The following PTPRD variants were observed in gnomAD, a reference collection of about 807,000 sequenced individuals.
The protein encoded by PTPRD is protein tyrosine phosphatase receptor type D, also known as receptor-type tyrosine-protein phosphatase delta.
In PTPRD, 34 loss-of-function variants were observed where a neutral mutation model predicts 214.5. The observed-to-expected ratio is 0.16, with a 90% confidence interval of 0.12 to 0.21. PTPRD has a LOEUF of 0.21. Ranked by LOEUF, PTPRD falls within the 10% of genes least tolerant of loss-of-function variation. PTPRD has a pLI of 1.00. For missense variants in PTPRD, 2,545 were observed against 2,398.7 expected (o/e 1.06, Z -1.27); for synonymous variants, 1,128 against 845.7 (o/e 1.33, Z -5.79).
chr9:8,315,950 A>AGTT lies in PTPRD; in HGVS notation c.*1923_*1924insAAC, dbSNP rs750916622. ...TTGGGGGTAAGATACATATATATAT[A>AGTT]TAGTTTATTTCCCCTTTTAGAAAAA... is the stretch of plus-strand genomic sequence containing the variant. On this transcript the variant is annotated 3_prime_UTR_variant, in exon 46 of 46. Transcript: ENST00000381196. 96 of 226,530 alleles carry AGTT rather than the reference A, an allele frequency of 4.2e-4. No individual in the cohort carries two copies. In the East Asian group the frequency reaches 5.7e-3, roughly 13 times the overall value. 14.0% of individuals were successfully genotyped at this position (226,530 alleles called of 1,614,324 possible).
chr9:9,512,764 C>T (rs62533243), intron 8 of PTPRD, among the ~76,000 whole-genome samples: 2,948 of 151,650 alleles, frequency 0.019, 46 homozygotes, highest in South Asian at 0.044. Context: ...ATTTGACTGG[C>T]TCCATAGTAC....
Position 10,477,029 on chromosome 9 carries a change from G to A in PTPRD, c.-600+135369C>T, listed in dbSNP as rs112610057. Among the ~76,000 whole-genome samples the A allele has an allele frequency of 1.4e-3, 220 of 152,060 alleles. 2 individuals carry two copies. The highest frequency in any genetic ancestry group is 4.9e-3 in the African/African-American group (202 of 41,514). Reference sequence around the variant, plus strand: ...TGTAAGATCTAAAACCTTAAAAACCGTAGAAGGAAACCTAGGCAATACCAT... The same window carrying A: ...TGTAAGATCTAAAACCTTAAAAACCATAGAAGGAAACCTAGGCAATACCAT... On this transcript the variant is annotated intron_variant, in intron 2 of 45. Coordinates refer to ENST00000381196, the MANE Select transcript of PTPRD (RefSeq NM_002839.4).
intron 7 of PTPRD, among the ~76,000 whole-genome samples, chr9:9,732,400 T>C (rs1170535101): frequency 6.6e-6 from 1 of 152,060 alleles, no homozygotes; most frequent in South Asian, 2.1e-4. Flanking sequence ...CACCTGGTAG[T>C]ATATTAAGAA....
intron 4 of PTPRD, among the ~76,000 whole-genome samples, chr9:10,019,642 C>T (rs1426631644): frequency 6.6e-6 from 1 of 152,076 alleles, no homozygotes; most frequent in African/African-American, 2.4e-5. Flanking sequence ...ATGGATGAAG[C>T]TGGAAACCGT....
At chr9:10,075,880 G>T (rs192832473) in intron 3 of PTPRD, among the ~76,000 whole-genome samples, 1 of 151,926 alleles carries the variant, frequency 6.6e-6, no homozygotes, top group Non-Finnish European at 1.5e-5. Context: ...CTTCTATAAC[G>T]ATATGTTATG....
chr9:8,956,733 C>T (rs933788250), intron 11 of PTPRD, among the ~76,000 whole-genome samples: 1 of 151,812 alleles, frequency 6.6e-6, no homozygotes, highest in African/African-American at 2.4e-5. Context: ...TCCTGCCTCC[C>T]TCCCTCTAAA....
At chr9:9,684,111 T>A (rs1332506027) in intron 7 of PTPRD, among the ~76,000 whole-genome samples, 1 of 151,628 alleles carries the variant, frequency 6.6e-6, no homozygotes, top group Non-Finnish European at 1.5e-5. Context: ...CACTTACACC[T>A]TGTTCAACAA....
intron 2 of PTPRD, among the ~76,000 whole-genome samples, chr9:10,606,466 T>G (rs1024895801): frequency 6.6e-6 from 1 of 151,834 alleles, no homozygotes; most frequent in Non-Finnish European, 1.5e-5. Context: ...ATACAGGTTT[T>G]TCGTAAGTGG....
intron 6 of PTPRD, among the ~76,000 whole-genome samples, chr9:9,741,078 A>G (rs1001694665): frequency 1.4e-4 from 22 of 152,190 alleles, no homozygotes; most frequent in African/African-American, 5.3e-4. Flanking sequence ...CAACCGGGTG[A>G]TGATATCCTT....
At chr9:9,312,601 C>T (rs1177232566) in intron 9 of PTPRD, among the ~76,000 whole-genome samples, 1 of 152,076 alleles carries the variant, frequency 6.6e-6, no homozygotes, top group Non-Finnish European at 1.5e-5. Flanking sequence ...TAAATAGTCA[C>T]AGTGAGTGAA....
intron 31 of PTPRD, among the ~76,000 whole-genome samples, chr9:8,466,947 A>G (rs898279961): frequency 4.0e-5 from 6 of 151,860 alleles, no homozygotes; most frequent in African/African-American, 1.4e-4. Flanking sequence ...CAGACTGTAT[A>G]TATGATAAAC....
chr9:9,530,300 A>G (rs2075161790), intron 8 of PTPRD, among the ~76,000 whole-genome samples: 1 of 152,186 alleles, frequency 6.6e-6, no homozygotes, highest in African/African-American at 2.4e-5. Context: ...GAAATGAAAA[A>G]GGAGACATTA....
chr9:8,705,960 A>G (rs1424680751), intron 12 of PTPRD, among the ~76,000 whole-genome samples: 1 of 152,192 alleles, frequency 6.6e-6, no homozygotes, highest in Non-Finnish European at 1.5e-5. Flanking sequence ...TCAGCACTGT[A>G]TCCATATGTG....
intron 8 of PTPRD, among the ~76,000 whole-genome samples, chr9:9,406,554 C>T (rs559517928): frequency 6.6e-6 from 1 of 152,014 alleles, no homozygotes; most frequent in East Asian, 1.9e-4. Flanking sequence ...AGATCAGCCT[C>T]TTTCTTTCTT....
intron 4 of PTPRD, among the ~76,000 whole-genome samples, chr9:10,010,205 G>A (rs1361119057): frequency 1.3e-5 from 2 of 151,840 alleles, no homozygotes; most frequent in Admixed American, 1.3e-4. Flanking sequence ...AAAAGAAACT[G>A]CAATCCACAT....
chr9:9,737,504 G>C (rs1209184572), intron 6 of PTPRD, among the ~76,000 whole-genome samples: 1 of 152,082 alleles, frequency 6.6e-6, no homozygotes, highest in Non-Finnish European at 1.5e-5. Flanking sequence ...GCCAATATCT[G>C]ATTCTCTTGT....
At chr9:8,323,372 G>A (rs900000164) in intron 44 of PTPRD, among the ~76,000 whole-genome samples, 1 of 152,162 alleles carries the variant, frequency 6.6e-6, no homozygotes, top group Non-Finnish European at 1.5e-5. Context: ...CATTTTATAA[G>A]GCTATACATT....
In PTPRD at chr9:8,460,585, G is replaced by T; in HGVS notation, c.3715-14C>A. 2 of 1,608,620 alleles carry T rather than the reference G, an allele frequency of 1.2e-6. No homozygotes were observed. The highest frequency in any genetic ancestry group is 2.2e-5 in the South Asian group (2 of 89,772). On this transcript the variant is annotated splice_polypyrimidine_tract_variant and intron_variant, in intron 32 of 45. Coordinates refer to ENST00000381196, the MANE Select transcript of PTPRD (RefSeq NM_002839.4). ...TGCATACATCTTCTGAGGAAAAGCA[G>T]AGTCTATTTCAGTTATAAAATAATG...
At chr9:9,927,169 TA>T (rs1229975579) in intron 5 of PTPRD, among the ~76,000 whole-genome samples, 2 of 152,184 alleles carry the variant, frequency 1.3e-5, no homozygotes, top group Admixed American at 1.3e-4. Flanking sequence ...TTAGAATATT[TA>T]AAAGCATTTC....
Sources: allele counts gnomAD v4.1 joint callset (sites outside exome capture counted in the v4.1 genomes callset), GRCh38; gene constraint gnomAD v4.1.1; transcripts MANE v1.5; gene names NCBI Gene and HGNC (gene_info 2026-07-23, HGNC 2026-07-21).